The following RFX6 variants were observed in gnomAD, a reference collection of about 807,000 sequenced individuals.
RFX6 encodes the protein regulatory factor X6, also known as DNA-binding protein RFX6.
In RFX6, 50 loss-of-function variants were observed where a neutral mutation model predicts 110.8. The observed-to-expected ratio is 0.45, with a 90% CI of 0.36 to 0.57. The LOEUF is 0.57. RFX6 is among the 20% of genes least tolerant of loss of function. The pLI is 0.00. For missense variants in RFX6, 990 were observed against 1,127.0 expected, an observed-to-expected ratio of 0.88 and a Z score of 1.74; for synonymous variants, 383 against 411.2, an observed-to-expected ratio of 0.93 and a Z score of 0.83.
intron 7 of RFX6, among the ~76,000 whole-genome samples, chr6:116,912,715 A>G (rs1245370950): frequency 6.6e-6 from 1 of 152,174 alleles, no homozygotes; most frequent in Non-Finnish European, 1.5e-5. Flanking sequence ...GAGGGGGACC[A>G]AAAAGGCAAG....
intron 4 of RFX6, among the ~76,000 whole-genome samples, chr6:116,888,626 C>G (rs968652908): frequency 6.6e-6 from 1 of 152,088 alleles, no homozygotes; most frequent in Non-Finnish European, 1.5e-5. Context: ...GTTTGGGAAT[C>G]TTTATTCAGA....
intron 4 of RFX6, among the ~76,000 whole-genome samples, chr6:116,893,279 G>T (rs1774869510): frequency 6.6e-6 from 1 of 152,054 alleles, no homozygotes; most frequent in Non-Finnish European, 1.5e-5. Flanking sequence ...TTTGTATATG[G>T]GTGTGTAATA....
intron 10 of RFX6, 106 bp downstream of exon 10, chr6:116,918,192 C>CTATT: frequency 1.2e-6 from 1 of 869,344 alleles, no homozygotes; most frequent in South Asian, 1.4e-5. Context: ...ATCAAGAAGA[C>CTATT]TATTTTCTAC....
intron 10 of RFX6, 79 bp downstream of exon 10, chr6:116,918,165 T>A: frequency 1.0e-6 from 1 of 987,830 alleles, no homozygotes; most frequent in Admixed American, 1.7e-5. Flanking sequence ...AAACATTAGG[T>A]AGTAATTTAT....
At chr6:116,917,333 G>C (rs1448913949) in intron 9 of RFX6, among the ~76,000 whole-genome samples, 1 of 128,520 alleles carries the variant, frequency 7.8e-6, no homozygotes, top group African/African-American at 3.2e-5. Flanking sequence ...AGTAAGGATT[G>C]TCTTGTTTTT....
intron 6 of RFX6, among the ~76,000 whole-genome samples, chr6:116,900,366 T>G (rs1775040428): frequency 6.6e-6 from 1 of 152,124 alleles, no homozygotes; most frequent in South Asian, 2.1e-4. Flanking sequence ...GTGATTCTTC[T>G]GCCTCAGCTT....
rs1292313432 is a variant in RFX6, at chr6:116,931,356, T to C, written c.2637T>C (p.Pro879=). The C allele has an allele frequency of 4.3e-6, 7 of 1,613,200 alleles. No individual in the cohort carries two copies. The highest frequency in any genetic ancestry group is 3.3e-5 in the Admixed American group (2 of 59,994). Reference sequence around the variant, plus strand: ...CTTCCAGTTTGCAAACCCCAATTCCTTCTTCCTCATCCCAATGTATGTATG... The same window carrying C: ...CTTCCAGTTTGCAAACCCCAATTCCCTCTTCCTCATCCCAATGTATGTATG... ...VLASSLQTPI[P]SSSSQCMYGT... is the part of the protein sequence containing the mutation. Residue 879 remains proline (P), a synonymous_variant, in exon 19 of 19, where the codon CCT becomes CCC. Coordinates refer to ENST00000332958, the MANE Select transcript of RFX6 (RefSeq NM_173560.4).
chr6:116,923,406 A>G, intron 14 of RFX6, 182 bp downstream of exon 14: 1 of 593,454 alleles, frequency 1.7e-6, no homozygotes. Flanking sequence ...AGCAGGATTA[A>G]ATCCTAACAA....
intron 6 of RFX6, among the ~76,000 whole-genome samples, chr6:116,902,684 T>C (rs1171864005): frequency 1.3e-5 from 2 of 152,064 alleles, no homozygotes; most frequent in Non-Finnish European, 1.5e-5. Flanking sequence ...GGTCCATTGA[T>C]TTCATACATT....
chr6:116,906,518 G>C (rs537210552), intron 6 of RFX6, among the ~76,000 whole-genome samples: 2 of 151,942 alleles, frequency 1.3e-5, no homozygotes, highest in African/African-American at 4.8e-5. Flanking sequence ...ATTTATTTAT[G>C]TATTCTTTAA....
intron 6 of RFX6, among the ~76,000 whole-genome samples, chr6:116,896,918 G>A (rs889596557): frequency 6.6e-6 from 1 of 152,114 alleles, no homozygotes; most frequent in African/African-American, 2.4e-5. Context: ...TAAAGCCATG[G>A]TCAAGATATT....
chr6:116,908,669 T>TACAC (rs753592440), intron 6 of RFX6, among the ~76,000 whole-genome samples: 2,621 of 102,316 alleles, frequency 0.026, 40 homozygotes, highest in African/African-American at 0.063. Flanking sequence ...ATTTCTAGCA[T>TACAC]ACACACACAC....
rs150344697 is a variant in RFX6 at position 116,894,042 on chromosome 6, T to G, written c.622T>G (p.Tyr208Asp). 5 of 1,598,040 alleles carry G rather than the reference T, an allele frequency of 3.1e-6. No homozygotes were observed. The African/African-American group carries it at 6.7e-5, about 21-fold the overall frequency. The change falls in exon 5 of 19, where the codon TAT (tyrosine) becomes GAT (aspartate). Residue 208 changes from tyrosine (Y) to aspartate (D), a missense_variant. Physicochemically the swap from Tyr to Asp is radical, Grantham distance 160. Coordinates refer to ENST00000332958, the MANE Select transcript of RFX6 (RefSeq NM_173560.4). ...KESSAYYHSV[Y>D]SGKGLTRFSG... Reference sequence around the variant, plus strand: ...GAGCAGTGCATATTACCACTCCGTTTATTCTGGAAAGGGCTTGACAAGGTA... The same window carrying G: ...GAGCAGTGCATATTACCACTCCGTTGATTCTGGAAAGGGCTTGACAAGGTA...
chr6:116,894,987 T>C (rs1774912138), intron 5 of RFX6, among the ~76,000 whole-genome samples, 193 bp from the exon 6 acceptor site: 1 of 152,132 alleles, frequency 6.6e-6, no homozygotes, highest in Admixed American at 6.6e-5. Flanking sequence ...ATTCATTTAC[T>C]TTTTTTCTAA....
intron 7 of RFX6, among the ~76,000 whole-genome samples, chr6:116,912,234 C>A (rs982651557): frequency 2.6e-5 from 4 of 151,984 alleles, no homozygotes; most frequent in Non-Finnish European, 5.9e-5. Context: ...TTGGGTACTA[C>A]GCTCAGTATC....
At chr6:116,886,715 CA>C (rs1234352121) in intron 4 of RFX6, among the ~76,000 whole-genome samples, 3 of 151,812 alleles carry the variant, frequency 2.0e-5, no homozygotes, top group Non-Finnish European at 2.9e-5. Context: ...AAAATGAGCC[CA>C]AAATTTATTC....
intron 6 of RFX6, among the ~76,000 whole-genome samples, chr6:116,902,715 A>ATAGCC (rs1427872156): frequency 1.3e-5 from 2 of 152,022 alleles, no homozygotes; most frequent in African/African-American, 4.8e-5. Context: ...AGTTTCCTTG[A>ATAGCC]TAGCCTGAGT....
At chr6:116,922,970 T>C (rs1216584988) in intron 13 of RFX6, 137 bp from the exon 14 acceptor site, 3 of 725,150 alleles carry the variant, frequency 4.1e-6, no homozygotes, top group South Asian at 1.5e-5. Flanking sequence ...CCTGGACAGA[T>C]AGTTTTATTT....
At chr6:116,924,303 A>C (rs950620453) in intron 14 of RFX6, among the ~76,000 whole-genome samples, 1 of 152,238 alleles carries the variant, frequency 6.6e-6, no homozygotes, top group Admixed American at 6.5e-5. Context: ...GAAATAGAGC[A>C]GAGTAGAGCT....
Sources: gnomAD v4.1 joint callset for allele counts (sites outside exome capture counted in the v4.1 genomes callset) on GRCh38, gnomAD v4.1.1 for gene constraint, MANE v1.5 for transcripts, NCBI Gene and HGNC (gene_info 2026-07-23, HGNC 2026-07-21) for gene names.